The following ZFP64 variants were observed in gnomAD, a reference collection of about 807,000 sequenced individuals.
ZFP64 encodes the protein ZFP64 zinc finger protein, also known as zinc finger protein 64.
ZFP64 carries 14 observed loss-of-function variants against 51.6 expected under a neutral mutation model. The observed-to-expected ratio is 0.27, with a 90% CI of 0.18 to 0.42. The LOEUF (loss-of-function observed/expected upper bound fraction) is 0.42, where lower values mean the gene tolerates loss of function less well. Ranked by LOEUF, ZFP64 falls within the 10% of genes least tolerant of loss-of-function variation. The probability of loss-of-function intolerance (pLI) is 1.00; values close to 1 mark genes in which losing one functional copy is unlikely to be tolerated. For synonymous variants in ZFP64, 375 were observed against 361.4 expected (o/e 1.04, Z -0.43); for missense variants, 754 against 906.8 (o/e 0.83, Z 2.16).
chr20:52,142,377 G>GACACACACACACACACACGCGCACAC (rs1980302194), intron 5 of ZFP64, among the ~76,000 whole-genome samples: 10 of 118,370 alleles, frequency 8.4e-5, no homozygotes, highest in African/African-American at 1.6e-4. Context: ...CACACACACA[G>GACACACACACACACACACGCGCACAC]ACACACACAC....
At chr20:52,186,662 G>T (rs1324887888) in intron 2 of ZFP64, among the ~76,000 whole-genome samples, 170 bp downstream of exon 2, 3 of 151,854 alleles carry the variant, frequency 2.0e-5, no homozygotes, top group African/African-American at 4.8e-5. Context: ...TAACCTAGCA[G>T]CTCCCAAACC....
chr20:52,104,913 T>A, intron 5 of ZFP64: 1 of 662,216 alleles, frequency 1.5e-6, no homozygotes, highest in East Asian at 2.7e-5. Context: ...GAGGAGTGGC[T>A]AGAGGAATCC....
intron 2 of ZFP64, among the ~76,000 whole-genome samples, chr20:52,186,630 T>C (rs1435304159): frequency 6.6e-6 from 1 of 152,170 alleles, no homozygotes; most frequent in Non-Finnish European, 1.5e-5. Context: ...ACAACATTTA[T>C]AACTGCTAAC....
chr20:52,130,751 T>C (rs1211151736), intron 5 of ZFP64, among the ~76,000 whole-genome samples: 2 of 152,074 alleles, frequency 1.3e-5, no homozygotes, highest in Non-Finnish European at 2.9e-5. Flanking sequence ...ATTACTCAGA[T>C]CAGAACACTC....
intron 5 of ZFP64, among the ~76,000 whole-genome samples, chr20:52,159,603 C>A (rs1447573081): frequency 6.6e-6 from 1 of 152,214 alleles, no homozygotes; most frequent in Non-Finnish European, 1.5e-5. Flanking sequence ...GTAATCCCAG[C>A]ACTTTGGGAG....
chr20:52,104,803 G>A (rs563232049), intron 5 of ZFP64: 17 of 601,344 alleles, frequency 2.8e-5, no homozygotes, highest in Admixed American at 2.2e-4. Context: ...CAAGGAGGCC[G>A]GAGACTCGGG....
chr20:52,147,812 C>T (rs1980597744), downstream of ZFP64, among the ~76,000 whole-genome samples: 1 of 151,964 alleles, frequency 6.6e-6, no homozygotes, highest in Non-Finnish European at 1.5e-5. Context: ...GCCAGGAGTG[C>T]AAGACCAGCC....
intron 5 of ZFP64, among the ~76,000 whole-genome samples, chr20:52,132,355 TAAGA>T (rs1426620448): frequency 4.1e-5 from 6 of 147,746 alleles, no homozygotes; most frequent in Admixed American, 4.0e-4. Context: ...GTAGAAGAAA[TAAGA>T]AAGATCAGAG....
At chr20:52,114,922 G>T (rs990071576) in intron 5 of ZFP64, among the ~76,000 whole-genome samples, 2 of 152,122 alleles carry the variant, frequency 1.3e-5, no homozygotes, top group African/African-American at 4.8e-5. Flanking sequence ...GCCAGGCCGG[G>T]CACGGTGGCT....
Position 52,187,036 on chromosome 20 carries a change from G to A in ZFP64, c.82C>T (p.Pro28Ser), listed in dbSNP as rs1168631095. ...GGTTVLVELTPDIHICGICKQ... is the reference protein window; with the variant it reads ...GGTTVLVELTSDIHICGICKQ... ...CAGATGCCGCAGATATGGATGTCGGGAGTCAGCTCCACCAGCACCGTTGTG... is the reference window on the plus strand; with the variant it reads ...CAGATGCCGCAGATATGGATGTCGGAAGTCAGCTCCACCAGCACCGTTGTG... Residue 28 changes from proline to serine, a missense_variant, in exon 2 of 6, where the codon CCC becomes TCC. By Grantham distance (74) the Pro-to-Ser change is moderately conservative. Coordinates refer to ENST00000216923, the MANE Select transcript of ZFP64 (RefSeq NM_018197.3). The A allele has an allele frequency of 5.6e-6, 9 of 1,611,878 alleles. No homozygotes were observed. Among genetic ancestry groups the A allele is most frequent in the Non-Finnish European group, 6.8e-6 (8 of 1,178,150 alleles).
intron 2 of ZFP64, among the ~76,000 whole-genome samples, chr20:52,181,137 T>C (rs1332018585): frequency 2.0e-5 from 3 of 151,804 alleles, no homozygotes; most frequent in Non-Finnish European, 4.4e-5. Flanking sequence ...GAGATGGGGG[T>C]TTCACCACAT....
chr20:52,172,878 A>T (rs1365737264), intron 2 of ZFP64, among the ~76,000 whole-genome samples: 1 of 152,012 alleles, frequency 6.6e-6, no homozygotes, highest in Non-Finnish European at 1.5e-5. Context: ...GCTCCAGGGG[A>T]TTTCCCTTCT....
chr20:52,107,445 A>G (rs1372047325), intron 5 of ZFP64, among the ~76,000 whole-genome samples: 1 of 152,046 alleles, frequency 6.6e-6, no homozygotes, highest in African/African-American at 2.4e-5. Context: ...ACCACAACCT[A>G]CATCTCTCTT....
chr20:52,110,398 G>C (rs1436225143), intron 5 of ZFP64: 1 of 563,708 alleles, frequency 1.8e-6, no homozygotes, highest in African/African-American at 1.9e-5. Context: ...GGATGTTTAA[G>C]CTCTTCTGGA....
At chr20:52,159,625 C>A (rs1981608001) in intron 5 of ZFP64, among the ~76,000 whole-genome samples, 1 of 152,166 alleles carries the variant, frequency 6.6e-6, no homozygotes, top group African/African-American at 2.4e-5. Flanking sequence ...CTGAGGTGGG[C>A]AGACCACTTG....
At chr20:52,088,208 T>C in intron 8 of ZFP64, 1 of 953,224 alleles carries the variant, frequency 1.0e-6, no homozygotes, top group South Asian at 1.7e-5. Context: ...CTGTCAGTCA[T>C]ATTTTACCAA....
At chr20:52,144,111 A>G (rs1980397935) in intron 5 of ZFP64, among the ~76,000 whole-genome samples, 1 of 143,196 alleles carries the variant, frequency 7.0e-6, no homozygotes, top group Non-Finnish European at 1.6e-5. Flanking sequence ...TGTTAATCTT[A>G]TATTTGTAGG....
chr20:52,090,950 A>AC (rs2078919679), intron 7 of ZFP64, among the ~76,000 whole-genome samples: 1 of 149,130 alleles, frequency 6.7e-6, no homozygotes, highest in African/African-American at 2.5e-5. Flanking sequence ...AAAAAAAAAA[A>AC]AAGGATTTGC....
intron 2 of ZFP64, among the ~76,000 whole-genome samples, chr20:52,181,482 T>C (rs1229901260): frequency 6.6e-6 from 1 of 152,114 alleles, no homozygotes; most frequent in Non-Finnish European, 1.5e-5. Flanking sequence ...ACGGGCAGCT[T>C]TCAAAGCTAG....
Sources: allele counts gnomAD v4.1 joint callset (sites outside exome capture counted in the v4.1 genomes callset), GRCh38; gene constraint gnomAD v4.1.1; transcripts MANE v1.5; gene names NCBI Gene and HGNC (gene_info 2026-07-23, HGNC 2026-07-21).